SGCD: variants seen among roughly 807,000 people sequenced by gnomAD.
The protein encoded by SGCD is sarcoglycan delta.
SGCD carries 18 observed loss-of-function variants against 36.6 expected under a neutral mutation model. The ratio of observed to expected loss-of-function variants is 0.49; its 90% CI spans 0.34 to 0.73. The LOEUF is 0.73. Ranked by LOEUF, SGCD falls within the 30% of genes least tolerant of loss-of-function variation. The pLI is 0.01. For missense variants in SGCD, 387 were observed against 346.7 expected (o/e 1.12, Z -0.92); for synonymous variants, 133 against 130.6 (o/e 1.02, Z -0.12).
chr5:156,486,281 C>T (rs1186221047), intron 3 of SGCD, among the ~76,000 whole-genome samples: 1 of 152,022 alleles, frequency 6.6e-6, no homozygotes, highest in Non-Finnish European at 1.5e-5. Flanking sequence ...TGTCCCTACT[C>T]CTTGGGAAAC....
At chr5:156,351,697 T>G (rs1361242388) in intron 3 of SGCD, among the ~76,000 whole-genome samples, 1 of 152,066 alleles carries the variant, frequency 6.6e-6, no homozygotes, top group Admixed American at 6.6e-5. Flanking sequence ...AGTTACAGTT[T>G]GCAAATATTA....
chr5:156,262,918 TGTG>T (rs1765903505), intron 3 of SGCD, among the ~76,000 whole-genome samples: 11 of 152,038 alleles, frequency 7.2e-5, no homozygotes, highest in Non-Finnish European at 1.5e-4. Context: ...TGTGTGTGTG[TGTG>T]TGTATACATA....
chr5:155,735,028 C>T, the SGCD span, among the ~76,000 whole-genome samples: 27 of 152,324 alleles, frequency 1.8e-4, no homozygotes, highest in South Asian at 5.6e-3. Flanking sequence ...GGATCTACAG[C>T]ACCCAGGTCA....
chr5:156,576,114 C>G (rs1759937337), intron 4 of SGCD, among the ~76,000 whole-genome samples: 1 of 151,952 alleles, frequency 6.6e-6, no homozygotes, highest in African/African-American at 2.4e-5. Flanking sequence ...GTGATGTTCC[C>G]CTCCCTGTGT....
the SGCD span, among the ~76,000 whole-genome samples, chr5:155,782,750 C>T: frequency 6.6e-6 from 1 of 152,140 alleles, no homozygotes; most frequent in Non-Finnish European, 1.5e-5. Flanking sequence ...CTTACAGGAG[C>T]ATGAACCCTA....
At chr5:156,226,714 C>T (rs1425722719) in intron 3 of SGCD, among the ~76,000 whole-genome samples, 1 of 152,062 alleles carries the variant, frequency 6.6e-6, no homozygotes, top group Non-Finnish European at 1.5e-5. Context: ...TAACTGCCAA[C>T]AGGGATGTAG....
At chr5:155,873,557 A>T (rs1313852256) in intron 1 of SGCD, among the ~76,000 whole-genome samples, 1 of 152,186 alleles carries the variant, frequency 6.6e-6, no homozygotes, top group African/African-American at 2.4e-5. Flanking sequence ...ACGAGAAATT[A>T]TAATACTTAA....
chr5:156,733,652 C>G (rs768648094), intron 7 of SGCD, among the ~76,000 whole-genome samples: 5 of 152,068 alleles, frequency 3.3e-5, no homozygotes, highest in African/African-American at 1.2e-4. Context: ...TTGAAGGTCT[C>G]TAAGAACTTG....
chr5:155,915,739 A>G (rs1345817201), intron 1 of SGCD, among the ~76,000 whole-genome samples: 2 of 152,228 alleles, frequency 1.3e-5, no homozygotes, highest in Non-Finnish European at 2.9e-5. Flanking sequence ...TTCAAAACCT[A>G]AATTATTTGA....
chr5:156,380,451 GCA>G (rs2127747249), intron 3 of SGCD, among the ~76,000 whole-genome samples: 1 of 152,340 alleles, frequency 6.6e-6, no homozygotes, highest in South Asian at 2.1e-4. Context: ...GGAGGAGCAA[GCA>G]CAGTTTTCAA....
intron 3 of SGCD, among the ~76,000 whole-genome samples, chr5:156,161,913 C>T (rs912234240): frequency 6.6e-6 from 1 of 151,624 alleles, no homozygotes; most frequent in Non-Finnish European, 1.5e-5. Context: ...TTCCATCAGC[C>T]TCCCAGTCTA....
chr5:156,757,850 C>A, intron 8 of SGCD, 146 bp downstream of exon 8: 4 of 1,343,042 alleles, frequency 3.0e-6, no homozygotes, highest in Non-Finnish European at 3.8e-6. Context: ...ATTAATTGAG[C>A]AGCATGATTA....
chr5:156,691,225 A>AAAAAAG (rs1208953973), intron 7 of SGCD, among the ~76,000 whole-genome samples: 21 of 150,380 alleles, frequency 1.4e-4, no homozygotes, highest in African/African-American at 5.1e-4. Flanking sequence ...AAAAAAAAAA[A>AAAAAAG]AGAGAGAGAC....
rs199849329 is a variant in SGCD, at chr5:156,168,655, C to T, written c.-44+44636C>T. ...TGTGTGTGCTACCAAGAAACAAAAA[C>T]GTATTCAATTGTATTTGTTCATCCT... is the stretch of plus-strand genomic sequence containing the variant. On this transcript the variant is annotated intron_variant, in intron 3 of 9. Coordinates refer to the SGCD transcript ENST00000517913. Among the ~76,000 whole-genome samples, 12 of 152,298 alleles carry T rather than the reference C, an allele frequency of 7.9e-5. 1 individual carries two copies. In the East Asian group the frequency reaches 9.6e-4, roughly 12 times the overall value.
chr5:156,578,919 G>A (rs907007346), intron 4 of SGCD, among the ~76,000 whole-genome samples: 3 of 152,106 alleles, frequency 2.0e-5, no homozygotes, highest in Non-Finnish European at 4.4e-5. Context: ...ATGTCCTTCA[G>A]TTCTGCTCTG....
intron 3 of SGCD, among the ~76,000 whole-genome samples, chr5:156,429,973 T>C (rs1229037978): frequency 6.6e-6 from 1 of 152,168 alleles, no homozygotes; most frequent in Non-Finnish European, 1.5e-5. Context: ...ATACTTTTTC[T>C]TGACTTTAGA....
chr5:156,444,631 A>G (rs188903647), intron 3 of SGCD, among the ~76,000 whole-genome samples: 11 of 152,116 alleles, frequency 7.2e-5, no homozygotes, highest in Admixed American at 2.6e-4. Flanking sequence ...CTGCCACCCA[A>G]CAAAATGCTT....
At chr5:156,542,317 CT>C (rs1758380776) in intron 4 of SGCD, among the ~76,000 whole-genome samples, 1 of 152,146 alleles carries the variant, frequency 6.6e-6, no homozygotes. Flanking sequence ...CCCCACCACT[CT>C]TTTTGGTCTT....
At chr5:156,498,422 G>C (rs140579105) in intron 3 of SGCD, among the ~76,000 whole-genome samples, 1 of 152,064 alleles carries the variant, frequency 6.6e-6, no homozygotes, top group African/African-American at 2.4e-5. Context: ...AAAATCCCTC[G>C]AATCCATTTA....
Sources: gnomAD v4.1 joint callset for allele counts (sites outside exome capture counted in the v4.1 genomes callset) on GRCh38, gnomAD v4.1.1 for gene constraint, MANE v1.5 for transcripts, NCBI Gene and HGNC (gene_info 2026-07-23, HGNC 2026-07-21) for gene names.